The following CHIC1 variants were observed in gnomAD, a reference collection of about 807,000 sequenced individuals.
CHIC1 encodes cysteine-rich hydrophobic domain-containing protein 1.
Under a neutral mutation model 18.5 loss-of-function variants are expected in CHIC1, and 7 were observed. The ratio of observed to expected loss-of-function variants is 0.38; its 90% CI spans 0.22 to 0.71. The LOEUF (loss-of-function observed/expected upper bound fraction) is 0.71, where lower values mean the gene tolerates loss of function less well. Among genes scored for constraint, CHIC1 ranks in the 30% least tolerant of loss-of-function variants. The pLI is 0.49. For synonymous variants in CHIC1, 77 were observed against 73.5 expected (o/e 1.05, Z -0.25); for missense variants, 159 against 176.9 (o/e 0.90, Z 0.57).
chrX:73,678,710 C>T (rs1448932610), intron 3 of CHIC1, among the ~76,000 whole-genome samples: 1 of 112,331 alleles, frequency 8.9e-6, no homozygotes, highest in African/African-American at 3.2e-5. Flanking sequence ...CAGTCTCTGT[C>T]CCCCTCTTTG....
chrX:73,588,641 A>G (rs2057565299), intron 3 of CHIC1, among the ~76,000 whole-genome samples: 1 of 111,084 alleles, frequency 9.0e-6, no homozygotes, highest in African/African-American at 3.2e-5. Flanking sequence ...AAGGATTGGT[A>G]TTCTTCTTTT....
At chrX:73,598,921 T>G (rs866018433) in intron 3 of CHIC1, among the ~76,000 whole-genome samples, 1 of 108,067 alleles carries the variant, frequency 9.3e-6, no homozygotes, top group Non-Finnish European at 1.9e-5. Flanking sequence ...ACTTCCACAA[T>G]GGTTGAACTA....
chrX:73,565,729 C>A (rs1013917927), intron 1 of CHIC1, among the ~76,000 whole-genome samples: 1 of 111,334 alleles, frequency 9.0e-6, no homozygotes, highest in Non-Finnish European at 1.9e-5. Context: ...AAAGTAATAT[C>A]CTTATGAAGT....
At chrX:73,588,775 T>G (rs180776199) in intron 3 of CHIC1, among the ~76,000 whole-genome samples, 1 of 110,666 alleles carries the variant, frequency 9.0e-6, no homozygotes, top group African/African-American at 3.3e-5. Flanking sequence ...CTATTCAGAT[T>G]TTCTATTTCT....
At chrX:73,588,582 G>A (rs2057565016) in intron 3 of CHIC1, among the ~76,000 whole-genome samples, 2 of 110,668 alleles carry the variant, frequency 1.8e-5, no homozygotes, top group Non-Finnish European at 3.8e-5. Context: ...CTTCCCCTCA[G>A]GAAGTTAAAA....
intron 3 of CHIC1, among the ~76,000 whole-genome samples, chrX:73,648,072 G>A (rs967480979): frequency 2.7e-5 from 3 of 111,340 alleles, no homozygotes; most frequent in African/African-American, 9.8e-5. Flanking sequence ...GATGAATAGG[G>A]CCTGAAGTGA....
chrX:73,588,988 A>G (rs1399716750), intron 3 of CHIC1, among the ~76,000 whole-genome samples: 3 of 110,162 alleles, frequency 2.7e-5, no homozygotes, highest in African/African-American at 9.9e-5. Context: ...CTTTTCAAAG[A>G]AAAAACTTTT....
Position 73,683,298 on chromosome X carries a change from C to G in CHIC1, c.*2293C>G, listed in dbSNP as rs1052666732. ...TTTTATTGTTCGCTATGCTGGTTGA[C>G]TCATCTTAGTTTCTTCAACTACCCA... On this transcript the variant is annotated 3_prime_UTR_variant, in exon 6 of 6. Transcript: ENST00000373502. 2 of 111,726 alleles carry G rather than the reference C, an allele frequency of 1.8e-5. No individual in the cohort carries two copies. Among genetic ancestry groups the G allele is most frequent in the Admixed American group, 9.5e-5 (1 of 10,500 alleles). 9.2% of individuals were successfully genotyped at this position (111,726 alleles called of 1,213,427 possible).
intron 3 of CHIC1, among the ~76,000 whole-genome samples, chrX:73,612,210 A>G (rs1359546562): frequency 8.9e-6 from 1 of 111,947 alleles, no homozygotes; most frequent in Non-Finnish European, 1.9e-5. Context: ...AGTTGTATGG[A>G]AGGGATCCAG....
At chrX:73,645,876 T>A (rs1165049044) in intron 3 of CHIC1, among the ~76,000 whole-genome samples, 1 of 111,809 alleles carries the variant, frequency 8.9e-6, no homozygotes, top group East Asian at 2.8e-4. Flanking sequence ...ATTATTTCCT[T>A]TGCAAAGCAA....
chrX:73,597,419 C>T (rs2057615187), intron 3 of CHIC1, among the ~76,000 whole-genome samples: 1 of 109,306 alleles, frequency 9.1e-6, no homozygotes, highest in Non-Finnish European at 1.9e-5. Context: ...TAATTTCTAC[C>T]GTTCTGTGGT....
At chrX:73,635,066 G>A (rs2057825653) in intron 3 of CHIC1, among the ~76,000 whole-genome samples, 1 of 110,253 alleles carries the variant, frequency 9.1e-6, no homozygotes, top group African/African-American at 3.3e-5. Context: ...ATGAAAGCTG[G>A]AACCTCTTGT....
chrX:73,634,387 G>T (rs2057821971), intron 3 of CHIC1, among the ~76,000 whole-genome samples: 2 of 112,882 alleles, frequency 1.8e-5, no homozygotes, highest in African/African-American at 6.4e-5. Flanking sequence ...CATGAACAAG[G>T]TTGCATGCCT....
intron 3 of CHIC1, among the ~76,000 whole-genome samples, chrX:73,609,107 A>G (rs1235229018): frequency 9.5e-6 from 1 of 104,908 alleles, no homozygotes; most frequent in East Asian, 3.0e-4. Flanking sequence ...GTCAGCCGAG[A>G]TTGCACCACT....
At chrX:73,587,545 C>T (rs918832086) in intron 3 of CHIC1, among the ~76,000 whole-genome samples, 1 of 111,428 alleles carries the variant, frequency 9.0e-6, no homozygotes, top group Non-Finnish European at 1.9e-5. Flanking sequence ...TGACTCATGA[C>T]ATAAATATGA....
chrX:73,613,544 A>G (rs1360580322), intron 3 of CHIC1, among the ~76,000 whole-genome samples: 2 of 111,996 alleles, frequency 1.8e-5, no homozygotes, highest in African/African-American at 6.5e-5. Flanking sequence ...AGCAGATACT[A>G]CAGCCAGCAT....
chrX:73,657,226 CT>C (rs773486013), intron 3 of CHIC1, among the ~76,000 whole-genome samples: 8 of 108,875 alleles, frequency 7.3e-5, no homozygotes, highest in Non-Finnish European at 1.5e-4. Context: ...TGCCCGGCTA[CT>C]TTTTTTTATT....
In CHIC1 at chrX:73,584,515, C is replaced by G. The variant is rs1198182395; in HGVS notation, c.450C>G (p.Leu150=). 5.4e-5 allele frequency: 63 copies of G among 1,165,732 alleles called. No homozygotes were observed. The highest frequency in any genetic ancestry group is 7.1e-5 in the Non-Finnish European group (62 of 872,243). The change falls in exon 3 of 6, where the codon CTC becomes CTG. Residue 150 remains leucine (L), a synonymous_variant. Coordinates refer to ENST00000373502, the MANE Select transcript of CHIC1 (RefSeq NM_001039840.4). ...VNVKWLLCGC[L]CCCCTLGCSL... is the part of the protein sequence containing the mutation. ...TGAAATGGCTGCTGTGTGGTTGTCT[C>G]TGCTGCTGTTGCACACTGGGTTGCA...
At chrX:73,674,265 A>T (rs1335486839) in intron 3 of CHIC1, among the ~76,000 whole-genome samples, 1 of 111,874 alleles carries the variant, frequency 8.9e-6, no homozygotes, top group African/African-American at 3.3e-5. Context: ...CTTAGGGCAG[A>T]TTCCCTCTTT....
Sources: allele counts gnomAD v4.1 joint callset (sites outside exome capture counted in the v4.1 genomes callset), GRCh38; gene constraint gnomAD v4.1.1; transcripts MANE v1.5; gene names NCBI Gene and HGNC (gene_info 2026-07-23, HGNC 2026-07-21).